The following PPEF2 variants were observed in gnomAD, a reference collection of about 807,000 sequenced individuals.
PPEF2 encodes protein phosphatase with EF-hand domain 2.
Under a neutral mutation model 84.7 loss-of-function variants are expected in PPEF2, and 84 were observed. The observed-to-expected ratio is 0.99, with a 90% CI of 0.83 to 1.19. The LOEUF (loss-of-function observed/expected upper bound fraction) is 1.19. Among genes scored for constraint, PPEF2 ranks in the 50% most tolerant of loss-of-function variants. PPEF2 has a pLI of 0.00. For synonymous variants in PPEF2, 346 were observed against 345.2 expected (o/e 1.00, Z -0.03); for missense variants, 924 against 937.5 (o/e 0.99, Z 0.19).
chr4:75,875,644 A>G (rs757996563), intron 11 of PPEF2, among the ~76,000 whole-genome samples: 1 of 152,162 alleles, frequency 6.6e-6, no homozygotes, highest in East Asian at 1.9e-4. Flanking sequence ...CAAGCTCACA[A>G]TAATCATCTC....
At chr4:75,870,860 A>C (rs1473353137) in intron 13 of PPEF2, among the ~76,000 whole-genome samples, 1 of 151,474 alleles carries the variant, frequency 6.6e-6, no homozygotes, top group African/African-American at 2.4e-5. Context: ...AAGAACTCAG[A>C]ATCATCTCAA....
rs368460785 is a variant in PPEF2, at chr4:75,896,377, C to A, written c.-52G>T. The A allele has an allele frequency of 1.9e-6, 3 of 1,585,220 alleles. No homozygotes were observed. The African/African-American group carries it at 4.0e-5, about 21-fold the overall frequency. Reference sequence around the variant, plus strand: ...CGCAGCAGATCCAGAGGACAGTGAGCTGTTTGCTGACAAAATGAAGAGAGA... The same window carrying A: ...CGCAGCAGATCCAGAGGACAGTGAGATGTTTGCTGACAAAATGAAGAGAGA... On this transcript the variant is annotated 5_prime_UTR_variant, in exon 2 of 17. Coordinates refer to ENST00000286719, the MANE Select transcript of PPEF2 (RefSeq NM_006239.3).
chr4:75,879,375 G>C (rs895789660), intron 10 of PPEF2, among the ~76,000 whole-genome samples: 19 of 152,248 alleles, frequency 1.2e-4, no homozygotes, highest in Non-Finnish European at 2.5e-4. Flanking sequence ...AATCTGTCCA[G>C]TTCTCATCTA....
chr4:75,863,739 T>A (rs1443054762), intron 16 of PPEF2, among the ~76,000 whole-genome samples: 1 of 152,022 alleles, frequency 6.6e-6, no homozygotes, highest in Non-Finnish European at 1.5e-5. Context: ...GAATCTATAA[T>A]TATTTCAAAA....
chr4:75,891,825 C>T (rs200952194), intron 3 of PPEF2, 26 bp downstream of exon 3: 143 of 1,599,984 alleles, frequency 8.9e-5, no homozygotes, highest in East Asian at 7.7e-4. Context: ...GAGCAGGAGG[C>T]GGCTCCGTCC....
At chr4:75,896,728 C>A (rs1334127050) in intron 1 of PPEF2, among the ~76,000 whole-genome samples, 3 of 152,200 alleles carry the variant, frequency 2.0e-5, no homozygotes, top group Non-Finnish European at 4.4e-5. Context: ...CAAGGGTAGA[C>A]TACAGTTTTC....
At chr4:75,891,468 C>T (rs911005841) in intron 4 of PPEF2, among the ~76,000 whole-genome samples, 180 bp downstream of exon 4, 3 of 152,138 alleles carry the variant, frequency 2.0e-5, no homozygotes, top group African/African-American at 7.2e-5. Context: ...ACTCTTGTCT[C>T]CAGGTGTGTG....
At position 75,896,333 on chromosome 4, in the gene PPEF2, G is replaced by A. The variant is rs948943580; in HGVS notation, c.-8C>T. On this transcript the variant is annotated 5_prime_UTR_variant, in exon 2 of 17. Transcript: ENST00000286719. ...GGAGGTGCCGCTTCCCATAGTTTAA[G>A]CGCAATGCTCCTGCAGGACGCAGCA... is the stretch of plus-strand genomic sequence containing the variant. 1.9e-6 allele frequency: 3 copies of A among 1,614,172 alleles called. No homozygotes were observed. The highest frequency in any genetic ancestry group is 1.7e-4 in the Middle Eastern group (1 of 6,060).
chr4:75,894,220 C>A (rs1724957479), intron 2 of PPEF2, among the ~76,000 whole-genome samples: 1 of 151,954 alleles, frequency 6.6e-6, no homozygotes. Context: ...TTTTTATTAT[C>A]TTTGTCAAGA....
chr4:75,892,737 G>C (rs1323229578), intron 2 of PPEF2, among the ~76,000 whole-genome samples: 1 of 152,182 alleles, frequency 6.6e-6, no homozygotes, highest in Non-Finnish European at 1.5e-5. Flanking sequence ...AGGTAGGGCA[G>C]GTTAGGGTGT....
chr4:75,860,790 A>G lies in PPEF2; in HGVS notation c.2139T>C (p.Asp713=). ...SIDFNKDGHI[D]INEFLEAFRL... ...GGAAGGCCTCCAGGAACTCATTGAT[A>G]TCAATGTGGCCATCTTTGTTGAAAT... The change falls in exon 17 of 17, where the codon GAT becomes GAC. Residue 713 remains aspartate, a synonymous_variant. Coordinates refer to ENST00000286719, the MANE Select transcript of PPEF2 (RefSeq NM_006239.3). 1 of 1,614,246 alleles carries G rather than the reference A, an allele frequency of 6.2e-7. No individual in the cohort carries two copies. The highest frequency in any genetic ancestry group is 1.7e-5 in the Admixed American group (1 of 60,032).
chr4:75,877,100 C>T (rs948410478), intron 10 of PPEF2, among the ~76,000 whole-genome samples: 11 of 150,368 alleles, frequency 7.3e-5, no homozygotes, highest in African/African-American at 2.2e-4. Context: ...ATTGGGAGCC[C>T]GAGGCAGGCT....
chr4:75,868,068 G>A (rs558352484), intron 13 of PPEF2, among the ~76,000 whole-genome samples: 2 of 152,032 alleles, frequency 1.3e-5, no homozygotes, highest in African/African-American at 2.4e-5. Context: ...CCAGCACTCT[G>A]GGAGGCCAAG....
chr4:75,875,634 C>T (rs1468004976), intron 11 of PPEF2, among the ~76,000 whole-genome samples: 1 of 152,034 alleles, frequency 6.6e-6, no homozygotes, highest in East Asian at 1.9e-4. Flanking sequence ...AAAAACAAAA[C>T]AAGCTCACAA....
At chr4:75,887,066 T>C (rs571151636) in intron 6 of PPEF2, among the ~76,000 whole-genome samples, 168 bp from the exon 7 acceptor site, 1 of 152,324 alleles carries the variant, frequency 6.6e-6, no homozygotes, top group African/African-American at 2.4e-5. Context: ...GCAGAGATAG[T>C]ATTGAAAGCA....
intron 10 of PPEF2, among the ~76,000 whole-genome samples, chr4:75,880,503 A>G (rs1187401252): frequency 6.6e-6 from 1 of 152,146 alleles, no homozygotes; most frequent in African/African-American, 2.4e-5. Flanking sequence ...CAGAAAATAA[A>G]CTTTTCGTTA....
rs75446651 is a variant in PPEF2, at chr4:75,874,752, T to C, written c.1321-1440A>G. 4.0e-3 allele frequency among the ~76,000 whole-genome samples: 605 copies of C among 152,338 alleles called. 18 individuals carry two copies. The East Asian group carries it at 0.065, about 16-fold the overall frequency. On this transcript the variant is annotated intron_variant, in intron 11 of 16. Transcript: ENST00000286719. Reference sequence around the variant, plus strand: ...TGGTGTTGAAGCCCAGATCAATAACTGACAGAACATTAACTAAACTCACCA... The same window carrying C: ...TGGTGTTGAAGCCCAGATCAATAACCGACAGAACATTAACTAAACTCACCA...
intron 16 of PPEF2, 77 bp from the exon 17 acceptor site, chr4:75,860,997 A>T: frequency 6.6e-7 from 1 of 1,508,078 alleles, no homozygotes; most frequent in South Asian, 1.2e-5. Flanking sequence ...TCTTACAAGG[A>T]CACCTGCTCC....
In PPEF2 at chr4:75,882,981, C is replaced by T; in HGVS notation, c.878G>A (p.Gly293Asp). The T allele has an allele frequency of 6.2e-7, 1 of 1,614,184 alleles. No homozygotes were observed. The highest frequency in any genetic ancestry group is 8.5e-7 in the Non-Finnish European group (1 of 1,180,038). Residue 293 changes from glycine (G) to aspartate (D), a missense_variant, in exon 10 of 17, where the codon GGT becomes GAT. Gly to Asp is a moderately conservative substitution (Grantham distance 94, BLOSUM62 -1). Coordinates refer to ENST00000286719, the MANE Select transcript of PPEF2 (RefSeq NM_006239.3). ...CAGATCAGTTATGTCTGACACCCCA[C>T]CATGAAGAATTAGAACTTTCTCATC... Reference protein sequence around the residue: ...LIDEKVLILHGGVSDITDLEL... With the variant: ...LIDEKVLILHDGVSDITDLEL...
Sources: gnomAD v4.1 joint callset for allele counts (sites outside exome capture counted in the v4.1 genomes callset) on GRCh38, gnomAD v4.1.1 for gene constraint, MANE v1.5 for transcripts, NCBI Gene and HGNC (gene_info 2026-07-23, HGNC 2026-07-21) for gene names.